NTM: variants seen among roughly 807,000 people sequenced by gnomAD.
NTM encodes the protein neurotrimin.
A neutral mutation model predicts 42.1 loss-of-function variants in NTM; 13 were observed. The ratio of observed to expected loss-of-function variants is 0.31; its 90% CI spans 0.20 to 0.49. NTM has a LOEUF of 0.49. NTM is among the 20% of genes least tolerant of loss of function. The pLI is 0.99. For synonymous variants in NTM, 187 were observed against 179.2 expected (o/e 1.04, Z -0.35); for missense variants, 373 against 452.8 (o/e 0.82, Z 1.60).
chr11:131,403,322 A>G (rs565823804), intron 1 of NTM, among the ~76,000 whole-genome samples: 2 of 152,054 alleles, frequency 1.3e-5, no homozygotes, highest in East Asian at 1.9e-4. Flanking sequence ...CTCCATTCCT[A>G]TTTTCACTTC....
intron 2 of NTM, among the ~76,000 whole-genome samples, chr11:131,940,015 T>C (rs1319171945): frequency 1.3e-5 from 2 of 152,218 alleles, no homozygotes; most frequent in Non-Finnish European, 2.9e-5. Flanking sequence ...GTAGTTCTGC[T>C]CTAGAGGTTC....
intron 2 of NTM, among the ~76,000 whole-genome samples, chr11:131,939,843 A>G (rs2059613990): frequency 6.6e-6 from 1 of 152,078 alleles, no homozygotes; most frequent in African/African-American, 2.4e-5. Context: ...CAGAGGGGCA[A>G]ATTAGGAGAG....
chr11:131,736,223 A>T (rs977670652), intron 1 of NTM, among the ~76,000 whole-genome samples: 2 of 152,146 alleles, frequency 1.3e-5, no homozygotes, highest in Admixed American at 6.5e-5. Context: ...CGAACCTTCT[A>T]CAGCTAGTAC....
At chr11:131,599,817 G>A (rs59636338) in intron 1 of NTM, among the ~76,000 whole-genome samples, 1 of 152,214 alleles carries the variant, frequency 6.6e-6, no homozygotes, top group Non-Finnish European at 1.5e-5. Context: ...GCTGACCCAT[G>A]AAGAATGGTT....
intron 2 of NTM, among the ~76,000 whole-genome samples, chr11:132,027,116 C>G (rs1337226385): frequency 1.3e-5 from 2 of 152,226 alleles, no homozygotes; most frequent in Admixed American, 1.3e-4. Context: ...TACTGACTGT[C>G]CATACCATAG....
chr11:131,789,955 CA>C (rs36050979), intron 1 of NTM, among the ~76,000 whole-genome samples: 2,811 of 20,196 alleles, frequency 0.14, 23 homozygotes, highest in African/African-American at 0.3. Flanking sequence ...GACTCCGTCT[CA>C]AAAAAAAAAA....
At chr11:132,060,219 C>T (rs1199460755) in intron 2 of NTM, among the ~76,000 whole-genome samples, 12 of 152,220 alleles carry the variant, frequency 7.9e-5, no homozygotes, top group African/African-American at 1.4e-4. Flanking sequence ...CCCTGGGCTT[C>T]GTTCTAGATT....
intron 1 of NTM, among the ~76,000 whole-genome samples, chr11:131,503,390 G>C (rs192678396): frequency 2.0e-5 from 3 of 152,138 alleles, no homozygotes; most frequent in African/African-American, 7.2e-5. Context: ...TTCTGGCTCT[G>C]CAGTAATGTA....
intron 1 of NTM, among the ~76,000 whole-genome samples, chr11:131,463,482 G>A (rs1951599194): frequency 6.6e-6 from 1 of 152,196 alleles, no homozygotes; most frequent in South Asian, 2.1e-4. Context: ...GGCCGCTGGG[G>A]CCCCAGGCTT....
intron 1 of NTM, among the ~76,000 whole-genome samples, chr11:131,906,654 TC>T (rs1253511527): frequency 6.6e-6 from 1 of 152,140 alleles, no homozygotes; most frequent in African/African-American, 2.4e-5. Context: ...TTCATCCTGC[TC>T]CCCCTGACTT....
chr11:131,909,793 C>G (rs779292038), intron 1 of NTM: 1 of 152,196 alleles, frequency 6.6e-6, no homozygotes, highest in East Asian at 1.9e-4. Context: ...CGAGGCAAAT[C>G]CAGTCTCTCC....
intron 7 of NTM, among the ~76,000 whole-genome samples, chr11:132,325,967 T>G (rs2095670902): frequency 7.1e-6 from 1 of 139,954 alleles, no homozygotes; most frequent in African/African-American, 2.7e-5. Flanking sequence ...AATTGAACAA[T>G]GAGAACACAT....
intron 3 of NTM, among the ~76,000 whole-genome samples, chr11:132,203,149 A>G (rs1188549747): frequency 2.0e-5 from 3 of 152,160 alleles, no homozygotes; most frequent in African/African-American, 7.2e-5. Flanking sequence ...CTGAGTCCTC[A>G]TTTAAAGATG....
Position 131,658,670 on chromosome 11 carries a change from G to A in NTM, c.83-252894G>A, listed in dbSNP as rs527434195. Among the ~76,000 whole-genome samples, 3 of 152,326 alleles carry A rather than the reference G, an allele frequency of 2.0e-5. No homozygotes were observed. In the East Asian group the frequency reaches 5.8e-4, roughly 29 times the overall value. On this transcript the variant is annotated intron_variant, in intron 1 of 8. Transcript: ENST00000683400. ...CAGAGCAGAGACAGCAGAATCAGAAGCTTTAAAAGGTGTAAGCGGCCGGAC... is the reference window on the plus strand; with the variant it reads ...CAGAGCAGAGACAGCAGAATCAGAAACTTTAAAAGGTGTAAGCGGCCGGAC...
intron 2 of NTM, among the ~76,000 whole-genome samples, chr11:132,036,989 G>T (rs1200254840): frequency 6.6e-6 from 1 of 152,104 alleles, no homozygotes; most frequent in Non-Finnish European, 1.5e-5. Flanking sequence ...CCACTGAGTT[G>T]TGTGATTCAC....
At chr11:132,256,182 C>T (rs1456176978) in intron 4 of NTM, among the ~76,000 whole-genome samples, 3 of 152,148 alleles carry the variant, frequency 2.0e-5, no homozygotes, top group Non-Finnish European at 2.9e-5. Context: ...GGTTCTAACA[C>T]CATGGTTGTC....
intron 1 of NTM, among the ~76,000 whole-genome samples, chr11:131,406,565 T>G (rs1945831365): frequency 6.6e-6 from 1 of 152,234 alleles, no homozygotes; most frequent in Non-Finnish European, 1.5e-5. Flanking sequence ...ATTTTTCCTC[T>G]TATACATCCT....
intron 1 of NTM, among the ~76,000 whole-genome samples, chr11:131,751,113 T>A (rs2082444110): frequency 6.6e-6 from 1 of 152,122 alleles, no homozygotes; most frequent in South Asian, 2.1e-4. Flanking sequence ...CCTGATATCC[T>A]CTCTCAGTGT....
chr11:132,315,075 A>T, intron 7 of NTM: 1 of 1,026,066 alleles, frequency 9.7e-7, no homozygotes. Context: ...CAAAAATGAC[A>T]TTTGATTTTT....
Sources: allele counts gnomAD v4.1 joint callset (sites outside exome capture counted in the v4.1 genomes callset), GRCh38; gene constraint gnomAD v4.1.1; transcripts MANE v1.5; gene names NCBI Gene and HGNC (gene_info 2026-07-23, HGNC 2026-07-21).